Variants in LRP1B observed in about 807,000 individuals in gnomAD.
LRP1B encodes LDL receptor related protein 1B.
In LRP1B, 217 loss-of-function variants were observed where a neutral mutation model predicts 556.6. The ratio of observed to expected loss-of-function variants is 0.39; its 90% CI spans 0.35 to 0.44. The LOEUF is 0.44. Ranked by LOEUF, LRP1B falls within the 20% of genes least tolerant of loss-of-function variation. The pLI is 1.00. For missense variants in LRP1B, 5,053 were observed against 5,620.8 expected (o/e 0.90, Z 3.23); for synonymous variants, 2,047 against 1,865.8 (o/e 1.10, Z -2.50).
At chr2:141,481,649 T>A (rs1401773564) in intron 2 of LRP1B, among the ~76,000 whole-genome samples, 1 of 152,206 alleles carries the variant, frequency 6.6e-6, no homozygotes, top group Non-Finnish European at 1.5e-5. Context: ...AGCACTGCGA[T>A]GTAGGCTGAG....
intron 1 of LRP1B, among the ~76,000 whole-genome samples, chr2:141,811,043 T>A (rs1696337466): frequency 6.6e-6 from 1 of 152,066 alleles, no homozygotes; most frequent in African/African-American, 2.4e-5. Context: ...TGTTTGTGAC[T>A]AAAACGTCTG....
At chr2:141,286,671 C>T (rs552070630) in intron 3 of LRP1B, 165 of 437,150 alleles carry the variant, frequency 3.8e-4, no homozygotes, top group African/African-American at 2.9e-3. Flanking sequence ...TTAAAAGATA[C>T]AAGAATATTC....
chr2:140,973,066 A>G (rs1696483913), intron 18 of LRP1B, among the ~76,000 whole-genome samples: 1 of 146,722 alleles, frequency 6.8e-6, no homozygotes, highest in Non-Finnish European at 1.5e-5. Flanking sequence ...ATATATATAT[A>G]TATATATATA....
chr2:140,564,333 T>C (rs1044925688), intron 43 of LRP1B, among the ~76,000 whole-genome samples: 7 of 152,122 alleles, frequency 4.6e-5, no homozygotes, highest in Non-Finnish European at 8.8e-5. Flanking sequence ...ATATGTATTG[T>C]TTTCCACATA....
rs1340350134 is a variant in LRP1B at position 140,640,435 on chromosome 2, G to T, written c.6800-38796C>A. On this transcript the variant is annotated intron_variant, in intron 41 of 90. Coordinates refer to ENST00000389484, the MANE Select transcript of LRP1B (RefSeq NM_018557.3). ...TTTTGAGATGGCGTCTCGCTCTGTC[G>T]CCCAGGCTGGAGTGCAGTGGCGCGA... Among the ~76,000 whole-genome samples, 5 of 93,632 alleles carry T rather than the reference G, an allele frequency of 5.3e-5. No homozygotes were observed. In the Admixed American group the frequency reaches 7.5e-4, roughly 14 times the overall value. 61.4% of individuals were successfully genotyped at this position (93,632 alleles called of 152,430 possible).
At chr2:141,842,865 G>A (rs1163947149) in intron 1 of LRP1B, among the ~76,000 whole-genome samples, 2 of 152,000 alleles carry the variant, frequency 1.3e-5, no homozygotes, top group African/African-American at 2.4e-5. Flanking sequence ...CTGATCAGTC[G>A]TATTGATCAC....
intron 3 of LRP1B, among the ~76,000 whole-genome samples, chr2:141,268,297 G>T (rs1558971036): frequency 6.6e-6 from 1 of 152,164 alleles, no homozygotes; most frequent in Non-Finnish European, 1.5e-5. Flanking sequence ...GGAAGCTAGA[G>T]TAGACAAATG....
At chr2:140,510,399 G>GTAATTGAAA (rs1414843143) in intron 51 of LRP1B, among the ~76,000 whole-genome samples, 1 of 152,170 alleles carries the variant, frequency 6.6e-6, no homozygotes, top group African/African-American at 2.4e-5. Context: ...AAAAATAATA[G>GTAATTGAAA]TAATTGAAAT....
chr2:140,879,658 T>C (rs1693413176), intron 25 of LRP1B, among the ~76,000 whole-genome samples: 1 of 152,106 alleles, frequency 6.6e-6, no homozygotes, highest in Admixed American at 6.6e-5. Context: ...TTCCTATTAC[T>C]TTCTCTTTAG....
At chr2:141,592,455 T>G (rs1231198057) in intron 2 of LRP1B, among the ~76,000 whole-genome samples, 1 of 152,184 alleles carries the variant, frequency 6.6e-6, no homozygotes, top group Non-Finnish European at 1.5e-5. Flanking sequence ...ATCCCATTCA[T>G]GAAGGCACCA....
chr2:140,355,646 A>G (rs1263823738), intron 75 of LRP1B, among the ~76,000 whole-genome samples: 3 of 151,942 alleles, frequency 2.0e-5, no homozygotes, highest in Non-Finnish European at 4.4e-5. Flanking sequence ...GATAAGCCAG[A>G]CTTAGTTATT....
At chr2:141,472,820 T>C (rs930124081) in intron 3 of LRP1B, among the ~76,000 whole-genome samples, 1 of 152,168 alleles carries the variant, frequency 6.6e-6, no homozygotes, top group Admixed American at 6.5e-5. Context: ...TTGTAAAAAT[T>C]TACAATTTTT....
chr2:141,099,875 T>C (rs1288421283), intron 7 of LRP1B, among the ~76,000 whole-genome samples: 2 of 152,220 alleles, frequency 1.3e-5, no homozygotes, highest in African/African-American at 2.4e-5. Flanking sequence ...ATAGTATTAG[T>C]TGACACTTTT....
chr2:140,390,945 ATGGAAGACCTAGCCTCTCTTGC>A (rs1469552032), intron 66 of LRP1B, among the ~76,000 whole-genome samples: 1 of 152,124 alleles, frequency 6.6e-6, no homozygotes, highest in Non-Finnish European at 1.5e-5. Flanking sequence ...TTATGAGAAT[ATGGAAGACCTAGCCTCTCTTGC>A]TGGTTTTCAT....
intron 2 of LRP1B, among the ~76,000 whole-genome samples, chr2:141,601,845 C>G (rs180916823): frequency 2.0e-5 from 3 of 152,100 alleles, no homozygotes; most frequent in Non-Finnish European, 4.4e-5. Flanking sequence ...TCAAGTGATG[C>G]GCCCACTCAG....
At chr2:140,550,099 G>A (rs1170196449) in intron 43 of LRP1B, among the ~76,000 whole-genome samples, 1 of 151,762 alleles carries the variant, frequency 6.6e-6, no homozygotes. Context: ...GAGTAAGAAC[G>A]TGAGTCGTTG....
intron 1 of LRP1B, among the ~76,000 whole-genome samples, chr2:142,111,169 A>G (rs1706975534): frequency 6.6e-6 from 1 of 152,134 alleles, no homozygotes; most frequent in South Asian, 2.1e-4. Context: ...TAAAACTACA[A>G]TAATGCTTAG....
chr2:140,644,087 G>C (rs1443364000), intron 41 of LRP1B, among the ~76,000 whole-genome samples: 1 of 152,000 alleles, frequency 6.6e-6, no homozygotes, highest in African/African-American at 2.4e-5. Flanking sequence ...TTCCCTCTGC[G>C]TGCTGATTCC....
chr2:140,471,825 C>T (rs901898625), intron 60 of LRP1B, among the ~76,000 whole-genome samples: 7 of 152,162 alleles, frequency 4.6e-5, no homozygotes, highest in African/African-American at 1.7e-4. Context: ...CCCCAATTTG[C>T]CCTTGTTCAT....
Sources: gnomAD v4.1 joint callset for allele counts (sites outside exome capture counted in the v4.1 genomes callset) on GRCh38, gnomAD v4.1.1 for gene constraint, MANE v1.5 for transcripts, NCBI Gene and HGNC (gene_info 2026-07-23, HGNC 2026-07-21) for gene names.